SLC22A24: variants seen among roughly 807,000 people sequenced by gnomAD.
SLC22A24 encodes the protein steroid transmembrane transporter SLC22A24.
Under a neutral mutation model 49.8 loss-of-function variants are expected in SLC22A24, and 53 were observed. The ratio of observed to expected loss-of-function variants is 1.06; its 90% CI spans 0.85 to 1.34. The LOEUF is 1.34. SLC22A24 is among the 40% of genes most tolerant of loss of function. The probability of loss-of-function intolerance (pLI) is 0.00; values close to 1 mark genes in which losing one functional copy is unlikely to be tolerated. For synonymous variants in SLC22A24, 302 were observed against 256.4 expected (o/e 1.18, Z -1.70); for missense variants, 786 against 675.9 (o/e 1.16, Z -1.81).
At chr11:63,128,475 C>G (rs1471150778) in intron 2 of SLC22A24, among the ~76,000 whole-genome samples, 2 of 152,030 alleles carry the variant, frequency 1.3e-5, no homozygotes, top group Admixed American at 6.6e-5. Context: ...GGCCTGACAT[C>G]AGTCAGGCCC....
At chr11:63,128,597 T>C (rs1344187097) in intron 2 of SLC22A24, among the ~76,000 whole-genome samples, 2 of 152,154 alleles carry the variant, frequency 1.3e-5, no homozygotes, top group Non-Finnish European at 2.9e-5. Context: ...GCCTTCTAGA[T>C]AGCAGTAGCA....
At chr11:63,134,278 G>A (rs943013331) in intron 2 of SLC22A24, among the ~76,000 whole-genome samples, 1 of 152,056 alleles carries the variant, frequency 6.6e-6, no homozygotes. Context: ...GGCCAATAAC[G>A]CTGTTTCACA....
intron 6 of SLC22A24, among the ~76,000 whole-genome samples, chr11:63,084,693 A>G (rs2086977700): frequency 6.6e-6 from 1 of 152,066 alleles, no homozygotes; most frequent in African/African-American, 2.4e-5. Context: ...CCCCCTCTCT[A>G]GGTATGTAGA....
intron 2 of SLC22A24, among the ~76,000 whole-genome samples, chr11:63,123,272 G>A (rs2087264803): frequency 6.6e-6 from 1 of 152,128 alleles, no homozygotes; most frequent in South Asian, 2.1e-4. Context: ...AAGAAGTCAA[G>A]GCTGGAAAAC....
At chr11:63,090,278 C>T (rs1342132390) in intron 6 of SLC22A24, among the ~76,000 whole-genome samples, 1 of 151,874 alleles carries the variant, frequency 6.6e-6, no homozygotes, top group East Asian at 1.9e-4. Context: ...TTTAACACCC[C>T]ACTGTCAATA....
chr11:63,085,875 C>G (rs115779101), intron 6 of SLC22A24, among the ~76,000 whole-genome samples: 1,558 of 152,294 alleles, frequency 0.01, 31 homozygotes, highest in African/African-American at 0.035. Context: ...CACATATTTT[C>G]TTTTGCTGGC....
chr11:63,132,583 G>A lies in SLC22A24; in HGVS notation c.506+2082C>T, dbSNP rs184854035. Among the ~76,000 whole-genome samples the A allele has an allele frequency of 1.1e-3, 160 of 152,296 alleles. 1 individual carries two copies. The highest frequency in any genetic ancestry group is 3.6e-3 in the African/African-American group (148 of 41,566). On this transcript the variant is annotated intron_variant, in intron 2 of 9. Transcript: ENST00000612278. ...TGGAGTTTGCTGGAGGTCCACTCCCGACACTCTTTGCTTGGGTATCACTAG... is the reference window on the plus strand; with the variant it reads ...TGGAGTTTGCTGGAGGTCCACTCCCAACACTCTTTGCTTGGGTATCACTAG...
intron 5 of SLC22A24, among the ~76,000 whole-genome samples, chr11:63,103,379 A>G (rs2087102523): frequency 1.3e-5 from 2 of 152,162 alleles, no homozygotes; most frequent in Non-Finnish European, 2.9e-5. Flanking sequence ...GCATATAACC[A>G]TATGATAGCA....
At chr11:63,115,328 G>T (rs147641133) in intron 4 of SLC22A24, among the ~76,000 whole-genome samples, 5,962 of 152,330 alleles carry the variant, frequency 0.039, 171 homozygotes, top group Non-Finnish European at 0.063. Flanking sequence ...AGACTGCTGT[G>T]CTAGCAGTGA....
intron 6 of SLC22A24, among the ~76,000 whole-genome samples, 163 bp downstream of exon 6, chr11:63,095,828 T>C (rs1378420103): frequency 6.6e-6 from 1 of 152,198 alleles, no homozygotes; most frequent in African/African-American, 2.4e-5. Context: ...GTCATAATAT[T>C]AGGCTATCTA....
rs750793270 is a variant in SLC22A24, at chr11:63,143,581, G to C, written c.199C>G (p.Leu67Val). 1.3e-6 allele frequency: 2 copies of C among 1,569,630 alleles called. No individual in the cohort carries two copies. Among genetic ancestry groups the C allele is most frequent in the Non-Finnish European group, 1.7e-6 (2 of 1,158,968 alleles). ...DTVSDNDTGT[L>V]SKDDLLRISI... ...ATTCTCAGGAGGTCATCCTTGCTGA[G>C]GGTCCCGGTATCATTGTCAGACACA... The change falls in exon 1 of 10, where the codon CTC becomes GTC. Residue 67 changes from leucine (L) to valine (V), a missense_variant. By Grantham distance (32) the Leu-to-Val change is conservative. Transcript: ENST00000612278.
chr11:63,103,479 A>G (rs1047589300), intron 5 of SLC22A24, among the ~76,000 whole-genome samples: 3 of 152,148 alleles, frequency 2.0e-5, no homozygotes, highest in African/African-American at 4.8e-5. Context: ...TTATTTTCTT[A>G]TCAACATCTA....
intron 1 of SLC22A24, among the ~76,000 whole-genome samples, chr11:63,135,242 T>C (rs2087365454): frequency 6.6e-6 from 1 of 152,214 alleles, no homozygotes; most frequent in Non-Finnish European, 1.5e-5. Flanking sequence ...TAGCAGTCTA[T>C]AATTCAACTA....
At chr11:63,128,318 G>A (rs1359827135) in intron 2 of SLC22A24, among the ~76,000 whole-genome samples, 1 of 152,026 alleles carries the variant, frequency 6.6e-6, no homozygotes, top group Non-Finnish European at 1.5e-5. Context: ...ACCAGCGCCT[G>A]GGAAGACACC....
Position 63,081,686 on chromosome 11 carries a change from T to A in SLC22A24, c.1286-20A>T. ...GCATTTCTAGAGAGAACAGTGAGAA[T>A]CAGGAAATCTTGCCTGAAGAAACTT... On this transcript the variant is annotated intron_variant, in intron 7 of 9. Transcript: ENST00000612278. The A allele has an allele frequency of 6.6e-7, 1 of 1,506,474 alleles. No individual in the cohort carries two copies. Among genetic ancestry groups the A allele is most frequent in the Non-Finnish European group, 9.0e-7 (1 of 1,106,082 alleles). 93.3% of individuals were successfully genotyped at this position (1,506,474 alleles called of 1,614,324 possible).
chr11:63,112,021 A>G (rs1418494995), intron 4 of SLC22A24, among the ~76,000 whole-genome samples: 1 of 151,642 alleles, frequency 6.6e-6, no homozygotes, highest in Non-Finnish European at 1.5e-5. Flanking sequence ...ACTGCTTTGA[A>G]TGTGTCCCAG....
intron 7 of SLC22A24, 142 bp from the exon 8 acceptor site, chr11:63,081,808 T>C: frequency 1.5e-6 from 1 of 653,374 alleles, no homozygotes; most frequent in Non-Finnish European, 2.8e-6. Flanking sequence ...GATTGGGGAA[T>C]GGTTGCGAGG....
intron 1 of SLC22A24, among the ~76,000 whole-genome samples, chr11:63,142,732 C>A (rs1196122776): frequency 2.0e-5 from 3 of 151,990 alleles, no homozygotes; most frequent in Non-Finnish European, 4.4e-5. Flanking sequence ...GATCTTGTGA[C>A]CCCCACTTAG....
chr11:63,122,385 G>A (rs1438788603), intron 2 of SLC22A24, among the ~76,000 whole-genome samples: 2 of 152,152 alleles, frequency 1.3e-5, no homozygotes, highest in Non-Finnish European at 2.9e-5. Flanking sequence ...AAACATCAAT[G>A]AGGATTATCC....
Sources: allele counts gnomAD v4.1 joint callset (sites outside exome capture counted in the v4.1 genomes callset), GRCh38; gene constraint gnomAD v4.1.1; transcripts MANE v1.5; gene names NCBI Gene and HGNC (gene_info 2026-07-23, HGNC 2026-07-21).